The following KCNH1 variants were observed in gnomAD, a reference collection of about 807,000 sequenced individuals.
KCNH1 encodes the protein potassium voltage-gated channel subfamily H member 1, also known as voltage-gated delayed rectifier potassium channel KCNH1.
In KCNH1, 27 loss-of-function variants were observed where a neutral mutation model predicts 69.2. That is an observed-to-expected ratio of 0.39 (90% CI 0.29 to 0.54). The LOEUF (loss-of-function observed/expected upper bound fraction) is 0.54. Among genes scored for constraint, KCNH1 ranks in the 20% least tolerant of loss-of-function variants. The probability of loss-of-function intolerance (pLI) is 0.68; values close to 1 mark genes in which losing one functional copy is unlikely to be tolerated. For synonymous variants in KCNH1, 456 were observed against 487.7 expected (o/e 0.93, Z 0.86); for missense variants, 798 against 1,261.6 (o/e 0.63, Z 5.57).
rs144462756 is a variant in KCNH1 at position 210,886,843 on chromosome 1, G to A, written c.1462+32797C>T. On this transcript the variant is annotated intron_variant, in intron 7 of 10. Coordinates refer to ENST00000271751, the MANE Select transcript of KCNH1 (RefSeq NM_172362.3). ...GAAATAAAGTGTGAAGCCAAAATTC[G>A]AGAAAAAAGAATGAAAATGAATGAA... Among the ~76,000 whole-genome samples, 249 of 152,058 alleles carry A rather than the reference G, an allele frequency of 1.6e-3. 1 individual carries two copies. The highest frequency in any genetic ancestry group is 5.7e-3 in the African/African-American group (235 of 41,508).
At chr1:210,998,948 A>T (rs1293872081) in intron 6 of KCNH1, among the ~76,000 whole-genome samples, 1 of 152,220 alleles carries the variant, frequency 6.6e-6, no homozygotes, top group Non-Finnish European at 1.5e-5. Flanking sequence ...AGAAATAAAG[A>T]TGTTCTTTGA....
intron 6 of KCNH1, among the ~76,000 whole-genome samples, chr1:210,986,273 G>C (rs1205475013): frequency 6.6e-6 from 1 of 152,134 alleles, no homozygotes; most frequent in Non-Finnish European, 1.5e-5. Context: ...GGAGCATTTA[G>C]CTCATTTACA....
chr1:210,954,782 T>C (rs1226589519), intron 6 of KCNH1, among the ~76,000 whole-genome samples: 4 of 152,186 alleles, frequency 2.6e-5, no homozygotes, highest in Non-Finnish European at 5.9e-5. Flanking sequence ...TTTAAGTTCT[T>C]TGTAGATTCT....
At chr1:210,782,058 A>C (rs1303956904) in intron 9 of KCNH1, among the ~76,000 whole-genome samples, 1 of 152,086 alleles carries the variant, frequency 6.6e-6, no homozygotes, top group African/African-American at 2.4e-5. Context: ...AATATGCCCA[A>C]ACCTCCTCTC....
At chr1:210,739,955 A>C (rs1574224870) in intron 10 of KCNH1, among the ~76,000 whole-genome samples, 1 of 152,182 alleles carries the variant, frequency 6.6e-6, no homozygotes, top group East Asian at 1.9e-4. Flanking sequence ...CCTAAAGGTC[A>C]ATCCAAGATA....
chr1:211,038,316 C>A (rs1274343769), intron 5 of KCNH1, among the ~76,000 whole-genome samples: 1 of 152,108 alleles, frequency 6.6e-6, no homozygotes, highest in Non-Finnish European at 1.5e-5. Context: ...TCTGAGGCCT[C>A]CCCAGCTATG....
intron 7 of KCNH1, among the ~76,000 whole-genome samples, chr1:210,815,624 G>A (rs1684798577): frequency 6.6e-6 from 1 of 152,146 alleles, no homozygotes; most frequent in Non-Finnish European, 1.5e-5. Context: ...TACAGGGCTA[G>A]TTCACCTAAC....
chr1:210,992,294 C>A (rs1688951995), intron 6 of KCNH1, among the ~76,000 whole-genome samples: 1 of 152,224 alleles, frequency 6.6e-6, no homozygotes, highest in African/African-American at 2.4e-5. Context: ...TCATGCCCTT[C>A]TACATAACAG....
At chr1:211,053,225 A>G (rs541119742) in intron 5 of KCNH1, among the ~76,000 whole-genome samples, 1 of 152,338 alleles carries the variant, frequency 6.6e-6, no homozygotes, top group South Asian at 2.1e-4. Context: ...TTTCACTTCT[A>G]GTAATCTATC....
intron 7 of KCNH1, among the ~76,000 whole-genome samples, chr1:210,881,569 C>G (rs921706746): frequency 2.0e-5 from 3 of 152,158 alleles, no homozygotes; most frequent in East Asian, 1.9e-4. Context: ...TATGCCCACA[C>G]AAAAACCTGC....
chr1:210,910,449 T>C (rs1687207799), intron 7 of KCNH1, among the ~76,000 whole-genome samples: 1 of 152,268 alleles, frequency 6.6e-6, no homozygotes, highest in African/African-American at 2.4e-5. Context: ...AGCCCCTTTC[T>C]AATCAGCACA....
At chr1:210,721,512 T>C (rs1440490728) in intron 10 of KCNH1, among the ~76,000 whole-genome samples, 1 of 152,194 alleles carries the variant, frequency 6.6e-6, no homozygotes, top group Non-Finnish European at 1.5e-5. Flanking sequence ...AACCTGAGAC[T>C]CAACAGAAGA....
rs538205095 is a variant in KCNH1 at position 211,014,642 on chromosome 1, C to T, written c.1032+4141G>A. ...AAGAACTCCCCACCCCCACTGCACA[C>T]ATACACACAGATGGCAAAGCCAACA... On this transcript the variant is annotated intron_variant, in intron 6 of 10. Transcript: ENST00000271751. 4.6e-5 allele frequency among the ~76,000 whole-genome samples: 7 copies of T among 152,278 alleles called. No individual in the cohort carries two copies. The East Asian group carries it at 1.2e-3, about 25-fold the overall frequency.
intron 10 of KCNH1, among the ~76,000 whole-genome samples, chr1:210,723,735 TCAAA>T (rs951660283): frequency 6.6e-6 from 1 of 152,032 alleles, no homozygotes; most frequent in Non-Finnish European, 1.5e-5. Flanking sequence ...CCAACAATTC[TCAAA>T]CAAAAAACAA....
intron 6 of KCNH1, among the ~76,000 whole-genome samples, chr1:210,942,770 TA>T (rs554718903): frequency 1.3e-3 from 193 of 143,350 alleles, no homozygotes; most frequent in Middle Eastern, 3.6e-3. Context: ...ATAAGGTTAT[TA>T]AAAAAAAAAA....
At chr1:211,001,967 A>T (rs1480489821) in intron 6 of KCNH1, among the ~76,000 whole-genome samples, 1 of 149,480 alleles carries the variant, frequency 6.7e-6, no homozygotes, top group Non-Finnish European at 1.5e-5. Flanking sequence ...AACAATGAGA[A>T]CACTAGGACA....
chr1:210,683,206 G>A lies in KCNH1; in HGVS notation c.*75C>T. Reference sequence around the variant, plus strand: ...CTACTTGAAAATTGTTGGTCATGTGGACATATGTGGTAGGGGTGGTGGTGA... The same window carrying A: ...CTACTTGAAAATTGTTGGTCATGTGAACATATGTGGTAGGGGTGGTGGTGA... On this transcript the variant is annotated 3_prime_UTR_variant, in exon 11 of 11. Coordinates refer to ENST00000271751, the MANE Select transcript of KCNH1 (RefSeq NM_172362.3). This position sits in a 1 kb window ranked among gnomAD's most constrained non-coding sequence, Gnocchi z 5.7. The A allele has an allele frequency of 2.1e-6, 3 of 1,403,962 alleles. No homozygotes were observed. Among genetic ancestry groups the A allele is most frequent in the Non-Finnish European group, 2.9e-6 (3 of 1,029,068 alleles). 87.0% of individuals were successfully genotyped at this position (1,403,962 alleles called of 1,614,324 possible).
intron 7 of KCNH1, chr1:210,861,482 T>G (rs893598704): frequency 6.5e-6 from 5 of 775,098 alleles, no homozygotes; most frequent in South Asian, 4.0e-5. Context: ...TGCTAAAATA[T>G]GTAAGGCCCA....
chr1:210,700,529 T>G lies in KCNH1; in HGVS notation c.2113-16391A>C, dbSNP rs1224220857. 2.6e-5 allele frequency among the ~76,000 whole-genome samples: 4 copies of G among 152,334 alleles called. No homozygotes were observed. In the East Asian group the frequency reaches 7.7e-4, roughly 29 times the overall value. ...TTCCACCTTAACCCTGTATTCTCTT[T>G]GTCTTTTTCTTATTGATTTGTCATC... On this transcript the variant is annotated intron_variant, in intron 10 of 10. Coordinates refer to ENST00000271751, the MANE Select transcript of KCNH1 (RefSeq NM_172362.3).
Sources: gnomAD v4.1 joint callset for allele counts (sites outside exome capture counted in the v4.1 genomes callset) on GRCh38, gnomAD v4.1.1 for gene constraint, Gnocchi (gnomAD v3.1) non-coding constraint, MANE v1.5 for transcripts, NCBI Gene and HGNC (gene_info 2026-07-23, HGNC 2026-07-21) for gene names.